The following MYLK2 variants were observed in gnomAD, a reference collection of about 807,000 sequenced individuals.
MYLK2 encodes the protein myosin light chain kinase 2.
In MYLK2, 27 loss-of-function variants were observed where a neutral mutation model predicts 58.2. The ratio of observed to expected loss-of-function variants is 0.46; its 90% CI spans 0.34 to 0.64. MYLK2 has a LOEUF of 0.64. Ranked by LOEUF, MYLK2 falls within the 30% of genes least tolerant of loss-of-function variation. The probability of loss-of-function intolerance (pLI) is 0.01; values close to 1 mark genes in which losing one functional copy is unlikely to be tolerated. For missense variants in MYLK2, 676 were observed against 764.3 expected, an observed-to-expected ratio of 0.88 and a Z score of 1.36; for synonymous variants, 310 against 296.7, an observed-to-expected ratio of 1.04 and a Z score of -0.46.
At chr20:31,821,772 TGGGGCCAGGGGGAGGGAA>T (rs778873126) in intron 4 of MYLK2, 35 bp downstream of exon 4, 1 of 1,449,002 alleles carries the variant, frequency 6.9e-7, no homozygotes, top group South Asian at 1.3e-5. Context: ...GGGGCTGCCC[TGGGGCCAGGGGGAGGGAA>T]GGGGGCTGTC....
intron 8 of MYLK2, chr20:31,828,641 C>T (rs997606453): frequency 8.1e-6 from 8 of 985,298 alleles, no homozygotes; most frequent in African/African-American, 1.7e-5. Context: ...CGGAATCGCA[C>T]TGGGTGAAAT....
intron 12 of MYLK2, among the ~76,000 whole-genome samples, chr20:31,832,548 A>C (rs1428407817): frequency 6.6e-6 from 1 of 152,138 alleles, no homozygotes; most frequent in Non-Finnish European, 1.5e-5. Flanking sequence ...GCTGGGGTAC[A>C]ATGGCGTGAT....
At chr20:31,823,158 T>C (rs1008054578) in intron 4 of MYLK2, among the ~76,000 whole-genome samples, 2 of 152,244 alleles carry the variant, frequency 1.3e-5, no homozygotes, top group Non-Finnish European at 2.9e-5. Context: ...TGTGTTTGAT[T>C]GTTTTTGGTG....
intron 8 of MYLK2, among the ~76,000 whole-genome samples, chr20:31,829,247 A>G (rs2062293895): frequency 6.6e-6 from 1 of 152,174 alleles, no homozygotes; most frequent in Admixed American, 6.5e-5. Flanking sequence ...TTTCAGGATA[A>G]TAATACGTTT....
chr20:31,830,930 A>C lies in MYLK2; in HGVS notation c.1295+41A>C, dbSNP rs980267098. ...GTGGGGAGGGCAAGACAAGCCTCTG[A>C]GTTGGCAGGGGACAGGGGTGGGGTG... On this transcript the variant is annotated intron_variant, in intron 9 of 12. Coordinates refer to ENST00000375985, the MANE Select transcript of MYLK2 (RefSeq NM_033118.4). The C allele has an allele frequency of 1.4e-5, 17 of 1,233,298 alleles. No individual in the cohort carries two copies. The African/African-American group carries it at 2.9e-4, about 21-fold the overall frequency. The allele number at this position is 1,233,298 out of a possible 1,614,324, so 76.4% of individuals were successfully genotyped here.
At chr20:31,828,993 G>A (rs565982963) in intron 8 of MYLK2, among the ~76,000 whole-genome samples, 3 of 152,262 alleles carry the variant, frequency 2.0e-5, no homozygotes, top group Non-Finnish European at 2.9e-5. Flanking sequence ...CCAATCTGAT[G>A]TGCTGAGGGT....
At chr20:31,831,587 G>T in intron 10 of MYLK2, 116 bp from the exon 11 acceptor site, 1 of 1,216,294 alleles carries the variant, frequency 8.2e-7, no homozygotes, top group African/African-American at 1.5e-5. Context: ...AGAGGCTGGG[G>T]GTCTTTTCAG....
rs2062251708 is a variant in MYLK2 at position 31,821,490 on chromosome 20, C to A, written c.525C>A (p.Thr175=). 6.2e-7 allele frequency: 1 copy of A among 1,613,876 alleles called. No homozygotes were observed. The highest frequency in any genetic ancestry group is 1.7e-5 in the Admixed American group (1 of 60,004). ...CCCCAAGCGAGGCATCAGAGCTCAC[C>A]TTTGAAGGGGTGCCCATGACCCACA... is the stretch of plus-strand genomic sequence containing the variant. ...KKPPSEASEL[T]FEGVPMTHSP... is the part of the protein sequence containing the mutation. The change falls in exon 4 of 13, where the codon ACC becomes ACA. Residue 175 remains threonine, a synonymous_variant. Transcript: ENST00000375985.
intron 11 of MYLK2, 29 bp downstream of exon 11, chr20:31,831,884 A>C (rs1348765826): frequency 6.2e-7 from 1 of 1,614,010 alleles, no homozygotes; most frequent in East Asian, 2.2e-5. Flanking sequence ...CCTGAACTGT[A>C]TGTGTGCAAG....
At chr20:31,825,249 C>T (rs1163816544) in intron 6 of MYLK2, among the ~76,000 whole-genome samples, 2 of 152,182 alleles carry the variant, frequency 1.3e-5, no homozygotes, top group African/African-American at 4.8e-5. Context: ...TATGTGACAA[C>T]GTCCTTTTTC....
intron 2 of MYLK2, 99 bp downstream of exon 2, chr20:31,819,731 C>T (rs2062242045): frequency 2.8e-6 from 4 of 1,417,284 alleles, no homozygotes; most frequent in Admixed American, 3.9e-5. Context: ...GTGCCCCAGC[C>T]TTGTTTGCAT....
At chr20:31,820,580 C>T in intron 3 of MYLK2, 34 bp downstream of exon 3, 2 of 1,597,030 alleles carry the variant, frequency 1.3e-6, no homozygotes, top group Non-Finnish European at 1.7e-6. Flanking sequence ...GGGAGGGGTC[C>T]TGTGGTTCTG....
intron 8 of MYLK2, among the ~76,000 whole-genome samples, chr20:31,829,580 A>T (rs1324756548): frequency 6.6e-6 from 1 of 152,228 alleles, no homozygotes; most frequent in African/African-American, 2.4e-5. Flanking sequence ...CCAGACAAAT[A>T]ACAAATACAT....
chr20:31,826,400 C>T (rs776979957), intron 6 of MYLK2, among the ~76,000 whole-genome samples: 26 of 149,700 alleles, frequency 1.7e-4, no homozygotes, highest in Non-Finnish European at 3.5e-4. Flanking sequence ...GGAGAAGAGC[C>T]GGCAAAAGGA....
chr20:31,828,779 G>A, intron 8 of MYLK2: 1 of 958,670 alleles, frequency 1.0e-6, no homozygotes, highest in South Asian at 4.8e-5. Context: ...CCCTGGGTTA[G>A]GTGTGTTAAT....
intron 8 of MYLK2, 45 bp downstream of exon 8, chr20:31,826,983 A>G: frequency 6.2e-7 from 1 of 1,612,274 alleles, no homozygotes; most frequent in Non-Finnish European, 8.5e-7. Flanking sequence ...GCAGCCTCCG[A>G]CCCCCTGAGA....
At chr20:31,823,896 CCCT>C in intron 5 of MYLK2, 1 of 973,166 alleles carries the variant, frequency 1.0e-6, no homozygotes, top group Non-Finnish European at 1.2e-6. Context: ...TTGTAAAAAG[CCCT>C]GACTCAGTCT....
chr20:31,820,189 C>A lies in MYLK2; in HGVS notation c.116C>A (p.Pro39Gln). The A allele has an allele frequency of 2.5e-6, 4 of 1,614,050 alleles. No homozygotes were observed. Among genetic ancestry groups the A allele is most frequent in the Non-Finnish European group, 3.4e-6 (4 of 1,180,028 alleles). Residue 39 changes from proline to glutamine, a missense_variant, in exon 3 of 13, where the codon CCA becomes CAA. Pro to Gln is a moderately conservative substitution (Grantham distance 76). Coordinates refer to ENST00000375985, the MANE Select transcript of MYLK2 (RefSeq NM_033118.4). ...GCTGCAGGGAAAGACCCTGGCCCCC[C>A]AGACCCAAAGAAAGCTCCGGATCCA... ...PLAAGKDPGP[P>Q]DPKKAPDPPT...
chr20:31,823,681 G>A lies in MYLK2; in HGVS notation c.878+99G>A, dbSNP rs185745788. 254 of 1,171,444 alleles carry A rather than the reference G, an allele frequency of 2.2e-4. 1 individual carries two copies. The African/African-American group carries it at 3.0e-3, about 14-fold the overall frequency. 72.6% of individuals were successfully genotyped at this position (1,171,444 alleles called of 1,614,324 possible). Reference sequence around the variant, plus strand: ...TGTGCAAGGCCCAGACACACACCCCGCTGAGACATGGCCACATGGACATGT... The same window carrying A: ...TGTGCAAGGCCCAGACACACACCCCACTGAGACATGGCCACATGGACATGT... On this transcript the variant is annotated intron_variant, in intron 5 of 12. Coordinates refer to ENST00000375985, the MANE Select transcript of MYLK2 (RefSeq NM_033118.4).
Sources: allele counts gnomAD v4.1 joint callset (sites outside exome capture counted in the v4.1 genomes callset), GRCh38; gene constraint gnomAD v4.1.1; transcripts MANE v1.5; gene names NCBI Gene and HGNC (gene_info 2026-07-23, HGNC 2026-07-21).